The following FMN2 variants were observed in gnomAD, a reference collection of about 807,000 sequenced individuals.
FMN2 encodes the protein formin 2, also known as formin-2.
A neutral mutation model predicts 142.3 loss-of-function variants in FMN2; 51 were observed. The ratio of observed to expected loss-of-function variants is 0.36; its 90% CI spans 0.29 to 0.45. The LOEUF is 0.45. Among genes scored for constraint, FMN2 ranks in the 20% least tolerant of loss-of-function variants. The pLI is 1.00. For missense variants in FMN2, 1,936 were observed against 2,122.8 expected (o/e 0.91, Z 1.73); for synonymous variants, 882 against 869.8 (o/e 1.01, Z -0.25).
chr1:240,455,725 C>T (rs1676217712), intron 16 of FMN2, among the ~76,000 whole-genome samples: 1 of 152,206 alleles, frequency 6.6e-6, no homozygotes, highest in Admixed American at 6.5e-5. Flanking sequence ...CCCGTAATCC[C>T]AGCACTTTGG....
intron 2 of FMN2, among the ~76,000 whole-genome samples, chr1:240,159,545 A>T (rs1664173374): frequency 6.6e-6 from 1 of 152,098 alleles, no homozygotes; most frequent in Non-Finnish European, 1.5e-5. Flanking sequence ...CTGTGTGAGA[A>T]GTGGAAGGCT....
At chr1:240,129,328 A>G (rs550091989) in intron 2 of FMN2, among the ~76,000 whole-genome samples, 1 of 152,250 alleles carries the variant, frequency 6.6e-6, no homozygotes, top group Admixed American at 6.5e-5. Context: ...CTGTATATTT[A>G]TTTTTGAAAC....
intron 13 of FMN2, among the ~76,000 whole-genome samples, chr1:240,339,868 T>C (rs1453436508): frequency 6.6e-6 from 1 of 151,948 alleles, no homozygotes; most frequent in Non-Finnish European, 1.5e-5. Flanking sequence ...TAATATTTTC[T>C]TTCTGGTTGT....
At chr1:240,301,493 T>C (rs1004810379) in intron 8 of FMN2, among the ~76,000 whole-genome samples, 1 of 152,016 alleles carries the variant, frequency 6.6e-6, no homozygotes, top group Non-Finnish European at 1.5e-5. Flanking sequence ...TATCATTTTA[T>C]ATCGTTTTTC....
intron 6 of FMN2, among the ~76,000 whole-genome samples, chr1:240,245,976 C>T (rs188079192): frequency 2.9e-4 from 44 of 151,766 alleles, no homozygotes; most frequent in African/African-American, 1.0e-3. Context: ...GTCAGGGGAT[C>T]GAGACCATCC....
At chr1:240,229,280 T>C (rs1667453927) in intron 6 of FMN2, among the ~76,000 whole-genome samples, 1 of 152,184 alleles carries the variant, frequency 6.6e-6, no homozygotes. Flanking sequence ...ATTTGCATTA[T>C]TGAACCTAAA....
intron 2 of FMN2, among the ~76,000 whole-genome samples, chr1:240,160,209 G>A (rs1664224077): frequency 6.6e-6 from 1 of 150,658 alleles, no homozygotes; most frequent in Non-Finnish European, 1.5e-5. Flanking sequence ...CTTATTTTAT[G>A]AGGCCAAAAT....
At chr1:240,322,314 A>G (rs1053206213) in intron 8 of FMN2, among the ~76,000 whole-genome samples, 1 of 152,148 alleles carries the variant, frequency 6.6e-6, no homozygotes, top group African/African-American at 2.4e-5. Context: ...TCTTCGGTCT[A>G]AAATGCTTGA....
At chr1:240,278,351 T>C (rs1474388178) in intron 7 of FMN2, among the ~76,000 whole-genome samples, 1 of 152,172 alleles carries the variant, frequency 6.6e-6, no homozygotes, top group East Asian at 1.9e-4. Flanking sequence ...TGTGATACTC[T>C]TGAGTAGTAA....
At chr1:240,435,538 T>C (rs1250307847) in intron 15 of FMN2, among the ~76,000 whole-genome samples, 3 of 152,130 alleles carry the variant, frequency 2.0e-5, no homozygotes, top group African/African-American at 7.2e-5. Context: ...ATATGTAATA[T>C]AACATATGTA....
intron 15 of FMN2, among the ~76,000 whole-genome samples, chr1:240,436,343 G>C (rs1416236141): frequency 6.6e-6 from 1 of 152,150 alleles, no homozygotes; most frequent in Non-Finnish European, 1.5e-5. Flanking sequence ...AGCTTAAAAA[G>C]CTGATATCCT....
chr1:240,370,167 T>C (rs1672816297), intron 14 of FMN2, among the ~76,000 whole-genome samples: 1 of 152,216 alleles, frequency 6.6e-6, no homozygotes, highest in Admixed American at 6.5e-5. Context: ...TTTGGAATCC[T>C]GCTCCTGTTT....
intron 8 of FMN2, among the ~76,000 whole-genome samples, chr1:240,297,315 G>T (rs1161213545): frequency 3.3e-5 from 5 of 152,050 alleles, no homozygotes; most frequent in African/African-American, 9.7e-5. Flanking sequence ...TTTTATTTGG[G>T]CTGGGTGTGG....
chr1:240,214,327 G>A lies in FMN2; in HGVS notation c.4065+3092G>A, dbSNP rs112074671. Among the ~76,000 whole-genome samples, 508 of 152,002 alleles carry A rather than the reference G, an allele frequency of 3.3e-3. 5 individuals carry two copies. Among genetic ancestry groups the A allele is most frequent in the African/African-American group, 0.011 (443 of 41,460 alleles). ...AGCACTTTCAGAGGCCGAGGCGGGC[G>A]GATCACGAGGTCAGGAGATGGAGAC... On this transcript the variant is annotated intron_variant, in intron 6 of 17. Transcript: ENST00000319653.
chr1:240,194,225 T>C (rs1028462713), intron 4 of FMN2, among the ~76,000 whole-genome samples: 11 of 152,170 alleles, frequency 7.2e-5, no homozygotes, highest in Non-Finnish European at 8.8e-5. Context: ...CTAGGGTGCA[T>C]TTCAGGAGTG....
chr1:240,329,663 C>T (rs1268564426), intron 10 of FMN2, among the ~76,000 whole-genome samples, 195 bp downstream of exon 10: 1 of 152,194 alleles, frequency 6.6e-6, no homozygotes, highest in Non-Finnish European at 1.5e-5. Flanking sequence ...CCCAGGGCTA[C>T]AGGACCACAT....
At chr1:240,460,386 G>C (rs1001013884) in intron 16 of FMN2, among the ~76,000 whole-genome samples, 8 of 152,150 alleles carry the variant, frequency 5.3e-5, no homozygotes, top group African/African-American at 1.9e-4. Flanking sequence ...GAGGTCAGGA[G>C]TTCGAGACCA....
In FMN2 at chr1:240,475,053, C is replaced by T. The variant is rs1290016236; in HGVS notation, c.*899C>T. On this transcript the variant is annotated 3_prime_UTR_variant, in exon 18 of 18. Coordinates refer to ENST00000319653, the MANE Select transcript of FMN2 (RefSeq NM_020066.5). ...CCTCCAGTGTGTATATTACCATTCT[C>T]CAATGAAATAATAGGGCATTTAACA... The T allele has an allele frequency of 6.6e-6, 1 of 152,312 alleles. No individual in the cohort carries two copies. The highest frequency in any genetic ancestry group is 6.6e-5 in the Admixed American group (1 of 15,234). 9.4% of individuals were successfully genotyped at this position (152,312 alleles called of 1,614,324 possible).
At chr1:240,101,974 TTGGA>T (rs1661432096) in intron 1 of FMN2, among the ~76,000 whole-genome samples, 1 of 152,212 alleles carries the variant, frequency 6.6e-6, no homozygotes, top group African/African-American at 2.4e-5. Context: ...TCTCTTGTTC[TTGGA>T]TGGATTGTAG....
Sources: gnomAD v4.1 joint callset for allele counts (sites outside exome capture counted in the v4.1 genomes callset) on GRCh38, gnomAD v4.1.1 for gene constraint, MANE v1.5 for transcripts, NCBI Gene and HGNC (gene_info 2026-07-23, HGNC 2026-07-21) for gene names.